SPTBN1: variants seen among roughly 807,000 people sequenced by gnomAD.
The protein encoded by SPTBN1 is spectrin beta chain, non-erythrocytic 1.
SPTBN1 carries 32 observed loss-of-function variants against 266.4 expected under a neutral mutation model. That is an observed-to-expected ratio of 0.12 (90% CI 0.09 to 0.16). SPTBN1 has a LOEUF of 0.16. Among genes scored for constraint, SPTBN1 ranks in the 10% least tolerant of loss-of-function variants. SPTBN1 has a pLI of 1.00. For synonymous variants in SPTBN1, 1,336 were observed against 1,162.2 expected, an observed-to-expected ratio of 1.15 and a Z score of -3.04; for missense variants, 2,296 against 3,067.1, an observed-to-expected ratio of 0.75 and a Z score of 5.94.
chr2:54,459,870 A>G (rs1040592417), intron 1 of SPTBN1, among the ~76,000 whole-genome samples: 1 of 152,200 alleles, frequency 6.6e-6, no homozygotes, highest in Non-Finnish European at 1.5e-5. Flanking sequence ...TTTTCTTTGC[A>G]AAAGACCTAG....
chr2:54,459,006 T>C (rs1430255606), intron 1 of SPTBN1, among the ~76,000 whole-genome samples: 7 of 152,230 alleles, frequency 4.6e-5, no homozygotes, highest in Non-Finnish European at 1.0e-4. Flanking sequence ...TTTGTGCTGG[T>C]TGTGTAAAAT....
intron 1 of SPTBN1, among the ~76,000 whole-genome samples, chr2:54,466,848 C>T (rs1393241474): frequency 6.6e-6 from 1 of 152,096 alleles, no homozygotes; most frequent in Non-Finnish European, 1.5e-5. Context: ...CAATTTTTTT[C>T]TACCAAACTT....
In SPTBN1 at chr2:54,624,721, T is replaced by C. The variant is rs1382826406; in HGVS notation, c.1183-83T>C. ...GCTGTCAGGTCCTTTTGAGAAATAT[T>C]AGCTGTTGACTGTAACCACGGAAGT... On this transcript the variant is annotated intron_variant, in intron 10 of 35. Coordinates refer to ENST00000356805, the MANE Select transcript of SPTBN1 (RefSeq NM_003128.3). 4 of 1,566,766 alleles carry C rather than the reference T, an allele frequency of 2.6e-6. No homozygotes were observed. The African/African-American group carries it at 4.1e-5, about 16-fold the overall frequency.
rs201812651 is a variant in SPTBN1, at chr2:54,645,346, G to A, written c.4387G>A (p.Val1463Met). Residue 1463 changes from valine to methionine, a missense_variant, in exon 21 of 36, where the codon GTG becomes ATG. By Grantham distance (21) the Val-to-Met change is conservative. Around this residue, in one of 12 missense-constraint regions of SPTBN1, gnomAD observed 386 missense variants for 486.1 expected, o/e 0.79. Transcript: ENST00000356805. This position sits in a 1 kb window ranked among gnomAD's most constrained non-coding sequence, Gnocchi z 4.3. ...TDEVDSKRLTVQTKFMELLEP... is the reference protein window; with the variant it reads ...TDEVDSKRLTMQTKFMELLEP... ...CGAGGTAGACAGCAAGCGCCTCACC[G>A]TGCAGACCAAGTTCATGGAGTTGCT... 3.1e-5 allele frequency: 50 copies of A among 1,614,218 alleles called. No individual in the cohort carries two copies. The highest frequency in any genetic ancestry group is 5.3e-5 in the African/African-American group (4 of 75,058).
intron 4 of SPTBN1, among the ~76,000 whole-genome samples, chr2:54,615,924 T>A (rs1046007086): frequency 1.3e-5 from 2 of 152,214 alleles, no homozygotes; most frequent in Admixed American, 6.5e-5. Flanking sequence ...TGTGCTAGAT[T>A]CTCACTGGAA....
At chr2:54,582,137 AATTATTTC>A (rs1674960012) in intron 2 of SPTBN1, among the ~76,000 whole-genome samples, 1 of 152,206 alleles carries the variant, frequency 6.6e-6, no homozygotes, top group Non-Finnish European at 1.5e-5. Context: ...GGCAGTGATA[AATTATTTC>A]ATCACTTTGC....
At chr2:54,584,737 GA>G (rs1675170061) in intron 2 of SPTBN1, among the ~76,000 whole-genome samples, 1 of 152,116 alleles carries the variant, frequency 6.6e-6, no homozygotes, top group African/African-American at 2.4e-5. Context: ...TGCCCCTGAA[GA>G]ACAAATCAGC....
At chr2:54,578,585 CGT>C (rs910043818) in intron 2 of SPTBN1, among the ~76,000 whole-genome samples, 3 of 152,162 alleles carry the variant, frequency 2.0e-5, no homozygotes, top group Non-Finnish European at 4.4e-5. Context: ...TTCATCCTTA[CGT>C]GTTCAGCCTT....
chr2:54,646,176 A>G lies in SPTBN1; in HGVS notation c.4585-18A>G, dbSNP rs1206826389. Reference sequence around the variant, plus strand: ...TGCCATTTAGCAAGCCTTTGTGTGTATTTTCCGCTCCCTCCAGACCCTCCA... The same window carrying G: ...TGCCATTTAGCAAGCCTTTGTGTGTGTTTTCCGCTCCCTCCAGACCCTCCA... On this transcript the variant is annotated intron_variant, in intron 22 of 35. Transcript: ENST00000356805. This position sits in a 1 kb window ranked among gnomAD's most constrained non-coding sequence, Gnocchi z 4.4. 5.0e-6 allele frequency: 8 copies of G among 1,596,228 alleles called. No individual in the cohort carries two copies. In the South Asian group the frequency reaches 5.6e-5, roughly 11 times the overall value.
intron 1 of SPTBN1, among the ~76,000 whole-genome samples, chr2:54,462,137 G>A (rs556734132): frequency 6.6e-6 from 1 of 152,142 alleles, no homozygotes; most frequent in Non-Finnish European, 1.5e-5. Flanking sequence ...AATAATATTA[G>A]TTTCTCTTAG....
In SPTBN1 at chr2:54,653,525, A is replaced by T; in HGVS notation, c.5578-84A>T. The stretch of plus-strand genomic sequence containing the variant: ...TTTGACTCTGTGCTCCCTTTAGTGT[A>T]TGAGCAGAACAGAATAGGGCTTGGG... On this transcript the variant is annotated intron_variant, in intron 26 of 35. Coordinates refer to ENST00000356805, the MANE Select transcript of SPTBN1 (RefSeq NM_003128.3). This position sits in a 1 kb window ranked among gnomAD's most constrained non-coding sequence, Gnocchi z 5.1. 6.5e-7 allele frequency: 1 copy of T among 1,547,338 alleles called. No homozygotes were observed. Among genetic ancestry groups the T allele is most frequent in the African/African-American group, 1.4e-5 (1 of 72,144 alleles).
intron 1 of SPTBN1, among the ~76,000 whole-genome samples, chr2:54,503,563 C>T (rs1226919664): frequency 1.3e-5 from 2 of 152,340 alleles, no homozygotes; most frequent in African/African-American, 4.8e-5. Context: ...TCTCCATGAG[C>T]ATGAAAGCGA....
At chr2:54,568,349 C>CAAA (rs888478845) in intron 2 of SPTBN1, among the ~76,000 whole-genome samples, 213 of 94,960 alleles carry the variant, frequency 2.2e-3, no homozygotes, top group Middle Eastern at 5.3e-3. Flanking sequence ...GACTCTGTCT[C>CAAA]AAAAAAAAAA....
chr2:54,617,683 A>T lies in SPTBN1; in HGVS notation c.642A>T (p.Lys214Asn). The T allele has an allele frequency of 6.2e-7, 1 of 1,614,080 alleles. No homozygotes were observed. Among genetic ancestry groups the T allele is most frequent in the Non-Finnish European group, 8.5e-7 (1 of 1,179,950 alleles). Residue 214 changes from lysine to asparagine, a missense_variant, in exon 6 of 36, where the codon AAA (lysine) becomes AAT (asparagine). Coordinates refer to ENST00000356805, the MANE Select transcript of SPTBN1 (RefSeq NM_003128.3). ...TGGCCTTCAATGCACTGATACACAA[A>T]CACCGGTAAGTCCATACAAATCATC... ...DGMAFNALIH[K>N]HRPDLIDFDK...
intron 2 of SPTBN1, among the ~76,000 whole-genome samples, chr2:54,534,370 T>G (rs1671470327): frequency 6.6e-6 from 1 of 152,202 alleles, no homozygotes; most frequent in Admixed American, 6.5e-5. Context: ...ATGCATTATT[T>G]GGGACTATTT....
Position 54,633,534 on chromosome 2 carries a change from G to A in SPTBN1, c.3767+766G>A, listed in dbSNP as rs569335565. On this transcript the variant is annotated intron_variant, in intron 17 of 35. Coordinates refer to ENST00000356805, the MANE Select transcript of SPTBN1 (RefSeq NM_003128.3). Reference sequence around the variant, plus strand: ...TCACTCCTTACTCTTGCCTTGCCCCGGTTACTTAAGTTGGAGGTTGGGGCA... The same window carrying A: ...TCACTCCTTACTCTTGCCTTGCCCCAGTTACTTAAGTTGGAGGTTGGGGCA... 1.2e-4 allele frequency among the ~76,000 whole-genome samples: 19 copies of A among 152,150 alleles called. No individual in the cohort carries two copies. In the East Asian group the frequency reaches 1.4e-3, roughly 11 times the overall value.
At chr2:54,469,091 A>G (rs944082271) in intron 1 of SPTBN1, among the ~76,000 whole-genome samples, 7 of 152,150 alleles carry the variant, frequency 4.6e-5, no homozygotes, top group Non-Finnish European at 8.8e-5. Flanking sequence ...CGTTATTTCT[A>G]TTTGATTATG....
intron 1 of SPTBN1, among the ~76,000 whole-genome samples, chr2:54,490,806 G>A (rs1371960221): frequency 1.3e-5 from 2 of 152,134 alleles, no homozygotes; most frequent in Admixed American, 6.6e-5. Flanking sequence ...TTAAGGTGTG[G>A]GAGAGTCCCA....
At chr2:54,662,284 A>G (rs1681100277) in intron 32 of SPTBN1, 1 of 985,474 alleles carries the variant, frequency 1.0e-6, no homozygotes, top group Non-Finnish European at 1.2e-6. Flanking sequence ...GCACATGTCC[A>G]TTAAAATTCA....
Sources: gnomAD v4.1 joint callset for allele counts (sites outside exome capture counted in the v4.1 genomes callset) on GRCh38, gnomAD v4.1.1 for gene constraint, gnomAD v4.1.1 regional missense constraint, Gnocchi (gnomAD v3.1) non-coding constraint, MANE v1.5 for transcripts, NCBI Gene and HGNC (gene_info 2026-07-23, HGNC 2026-07-21) for gene names.